The following BRCC3 variants were observed in gnomAD, a reference collection of about 807,000 sequenced individuals.
BRCC3 encodes the protein lys-63-specific deubiquitinase BRCC36.
Under a neutral mutation model 28.0 loss-of-function variants are expected in BRCC3, and 15 were observed. The ratio of observed to expected loss-of-function variants is 0.54; its 90% CI spans 0.36 to 0.82. The LOEUF is 0.82. Among genes scored for constraint, BRCC3 ranks in the 40% least tolerant of loss-of-function variants. The pLI is 0.01. For synonymous variants in BRCC3, 66 were observed against 80.3 expected (o/e 0.82, Z 0.95); for missense variants, 109 against 225.9 (o/e 0.48, Z 3.32).
rs182166796 is a variant in BRCC3, at chrX:155,077,443, T to C, written c.315+154T>C. On this transcript the variant is annotated intron_variant, in intron 4 of 10. Coordinates refer to ENST00000330045, the MANE Select transcript of BRCC3 (RefSeq NM_001018055.3). ...TTAGAATTTCTCTCTATTTCTCCTT[T>C]TGAGTGGCTTTTATTGGAAGAATTA... Among the ~76,000 whole-genome samples the C allele has an allele frequency of 1.2e-4, 13 of 112,175 alleles. No individual in the cohort carries two copies. The East Asian group carries it at 3.6e-3, about 31-fold the overall frequency.
In BRCC3 at chrX:155,071,541, T is replaced by TGGTGCAGGCGGTGCAGGC. The variant is rs782702164; in HGVS notation, c.18_35dup (p.Gln7_Val12dup). 1.9e-5 allele frequency: 23 copies of TGGTGCAGGCGGTGCAGGC among 1,205,162 alleles called. No homozygotes were observed. The South Asian group carries it at 2.1e-4, about 11-fold the overall frequency. ...GGTCGGGCCAAGATGGCGGTGCAGG[T>TGGTGCAGGCGGTGCAGGC]GGTGCAGGCGGTGCAGGCGGTTCAT... On this transcript the variant is annotated inframe_insertion, in exon 1 of 11. Coordinates refer to ENST00000330045, the MANE Select transcript of BRCC3 (RefSeq NM_001018055.3).
In BRCC3 at chrX:155,075,317, CA is replaced by C. The variant is rs782302203; in HGVS notation, c.196-1852del. On this transcript the variant is annotated intron_variant, in intron 3 of 10. Coordinates refer to ENST00000330045, the MANE Select transcript of BRCC3 (RefSeq NM_001018055.3). Reference sequence around the variant, plus strand: ...CCCTGGCCCTTCTTGTTCTTCCCCACACTAAATGTGGCCACTCCCCTTGATT... The same window carrying C: ...CCCTGGCCCTTCTTGTTCTTCCCCACCTAAATGTGGCCACTCCCCTTGATT... 4.0e-4 allele frequency among the ~76,000 whole-genome samples: 21 copies of C among 53,009 alleles called. No homozygotes were observed. In the African/African-American group the frequency reaches 8.6e-3, roughly 22 times the overall value. 46.0% of individuals were successfully genotyped at this position (53,009 alleles called of 115,157 possible).
At chrX:155,090,597 G>A (rs1346149136) in intron 6 of BRCC3, among the ~76,000 whole-genome samples, 187 bp from the exon 7 acceptor site, 1 of 112,162 alleles carries the variant, frequency 8.9e-6, no homozygotes, top group African/African-American at 3.2e-5. Flanking sequence ...TGTTACATGA[G>A]CAGATGTTTG....
At chrX:155,080,216 T>C (rs1269006116) in intron 5 of BRCC3, among the ~76,000 whole-genome samples, 1 of 111,788 alleles carries the variant, frequency 8.9e-6, no homozygotes, top group East Asian at 2.8e-4. Flanking sequence ...GAACAATTAT[T>C]TTCACTATAG....
chrX:155,077,832 A>T (rs2074056987), intron 4 of BRCC3, among the ~76,000 whole-genome samples: 1 of 111,950 alleles, frequency 8.9e-6, no homozygotes, highest in Non-Finnish European at 1.9e-5. Context: ...TATGAAGCTG[A>T]TCCCCATCCC....
intron 3 of BRCC3, among the ~76,000 whole-genome samples, chrX:155,076,431 G>C (rs1440289823): frequency 9.0e-6 from 1 of 111,233 alleles, no homozygotes; most frequent in Non-Finnish European, 1.9e-5. Context: ...CCCTGAGACT[G>C]GGTAATTTAT....
chrX:155,079,637 C>T (rs895020413), intron 5 of BRCC3, among the ~76,000 whole-genome samples: 15 of 111,050 alleles, frequency 1.4e-4, no homozygotes, highest in African/African-American at 3.9e-4. Context: ...TAACTCAAAC[C>T]TACTGTAACA....
At chrX:155,075,473 T>A (rs1282295406) in intron 3 of BRCC3, among the ~76,000 whole-genome samples, 2 of 112,281 alleles carry the variant, frequency 1.8e-5, no homozygotes, top group Non-Finnish European at 3.8e-5. Flanking sequence ...TGCCATATTG[T>A]ATATCTCTCA....
intron 5 of BRCC3, among the ~76,000 whole-genome samples, chrX:155,086,361 C>T (rs1017947896): frequency 5.4e-5 from 6 of 111,605 alleles, no homozygotes; most frequent in African/African-American, 2.0e-4. Context: ...CCCTCGCTTC[C>T]TCCCTCCGTC....
chrX:155,075,278 A>ATCCCTGTCT (rs2074024507), intron 3 of BRCC3, among the ~76,000 whole-genome samples: 2 of 50,516 alleles, frequency 4.0e-5, no homozygotes, highest in Non-Finnish European at 6.0e-5. Flanking sequence ...TGATAATGCT[A>ATCCCTGTCT]AGCCCACTCT....
intron 3 of BRCC3, among the ~76,000 whole-genome samples, chrX:155,074,454 ACT>A (rs2074013508): frequency 9.1e-6 from 1 of 109,797 alleles, no homozygotes; most frequent in African/African-American, 3.3e-5. Context: ...GAATCTCTAA[ACT>A]CTCATGAGTT....
At chrX:155,099,099 C>T (rs2074229373) in intron 7 of BRCC3, among the ~76,000 whole-genome samples, 1 of 108,612 alleles carries the variant, frequency 9.2e-6, no homozygotes, top group Non-Finnish European at 1.9e-5. Context: ...TTCTTTCTCT[C>T]TAAATAATAT....
At chrX:155,099,474 C>G (rs2074233954) in intron 7 of BRCC3, 5 of 1,129,206 alleles carry the variant, frequency 4.4e-6, no homozygotes, top group Non-Finnish European at 5.9e-6. Context: ...AACAATTCCA[C>G]TTCCATCTCA....
intron 5 of BRCC3, among the ~76,000 whole-genome samples, chrX:155,085,731 C>T (rs2074118993): frequency 8.9e-6 from 1 of 112,244 alleles, no homozygotes; most frequent in Non-Finnish European, 1.9e-5. Context: ...TTCCATCTCC[C>T]TCTCTCAGTA....
At position 155,077,169 on chromosome X, in the gene BRCC3, G is replaced by T; in HGVS notation, c.196-1G>T. 1 of 1,176,327 alleles carries T rather than the reference G, an allele frequency of 8.5e-7. No individual in the cohort carries two copies. The highest frequency in any genetic ancestry group is 1.8e-5 in the South Asian group (1 of 55,345). ...AACCATTTCTGTGGATTTTCCTTTA[G>T]GTTGATGCCGTCAGAATTGTTCACA... On this transcript the variant is annotated splice_acceptor_variant, in intron 3 of 10. Transcript: ENST00000330045. LOFTEE classifies it high-confidence loss of function.
intron 7 of BRCC3, among the ~76,000 whole-genome samples, chrX:155,106,672 T>G (rs2074287032): frequency 1.8e-5 from 2 of 112,563 alleles, no homozygotes; most frequent in African/African-American, 6.4e-5. Flanking sequence ...TAGGTATATA[T>G]ATTACACTTG....
At chrX:155,118,067 C>T (rs1479446127) in intron 9 of BRCC3, among the ~76,000 whole-genome samples, 1 of 112,039 alleles carries the variant, frequency 8.9e-6, no homozygotes, top group Non-Finnish European at 1.9e-5. Flanking sequence ...AGTTCCTTTC[C>T]TAGGTATATA....
intron 7 of BRCC3, among the ~76,000 whole-genome samples, chrX:155,106,829 T>C (rs1217604525): frequency 1.8e-5 from 2 of 112,297 alleles, no homozygotes; most frequent in Non-Finnish European, 3.8e-5. Flanking sequence ...TATCTGTTTA[T>C]GCTTTCTTTC....
chrX:155,096,520 C>T (rs2074210835), intron 7 of BRCC3, among the ~76,000 whole-genome samples: 1 of 111,968 alleles, frequency 8.9e-6, no homozygotes, highest in Non-Finnish European at 1.9e-5. Context: ...TGCCCCAAAT[C>T]ATTAGTCTTT....
Sources: allele counts gnomAD v4.1 joint callset (sites outside exome capture counted in the v4.1 genomes callset), GRCh38; gene constraint gnomAD v4.1.1; transcripts MANE v1.5; gene names NCBI Gene and HGNC (gene_info 2026-07-23, HGNC 2026-07-21).